Variants in DEDD2 observed in about 807,000 individuals in gnomAD.
DEDD2 encodes death effector domain containing 2, also known as DNA-binding death effector domain-containing protein 2.
A neutral mutation model predicts 28.9 loss-of-function variants in DEDD2; 18 were observed. The ratio of observed to expected loss-of-function variants is 0.62; its 90% CI spans 0.43 to 0.92. The LOEUF (loss-of-function observed/expected upper bound fraction) is 0.92. Ranked by LOEUF, DEDD2 falls within the 40% of genes least tolerant of loss-of-function variation. The pLI is 0.00. For missense variants in DEDD2, 411 were observed against 463.3 expected, an observed-to-expected ratio of 0.89 and a Z score of 1.04; for synonymous variants, 211 against 206.1, an observed-to-expected ratio of 1.02 and a Z score of -0.20.
At position 42,199,126 on chromosome 19, in the gene DEDD2, T is replaced by A. The variant is rs2035219257; in HGVS notation, c.*312A>T. The stretch of plus-strand genomic sequence containing the variant: ...AGACAGCCCAAGATCAGAGATACAA[T>A]GTGCAGGGGGGCCTTTGGTGAGTGT... On this transcript the variant is annotated 3_prime_UTR_variant, in exon 5 of 5. Transcript: ENST00000596251. The surrounding 1 kb of genome is among the most constrained non-coding windows in gnomAD (Gnocchi z 7.4). The A allele has an allele frequency of 2.5e-6, 1 of 393,344 alleles. No homozygotes were observed. The highest frequency in any genetic ancestry group is 4.6e-6 in the Non-Finnish European group (1 of 215,216). 24.4% of individuals were successfully genotyped at this position (393,344 alleles called of 1,614,324 possible). A position where few individuals can be genotyped will look rare whatever the true frequency, so the allele number is the denominator to read the frequency against.
At chr19:42,208,417 G>A (rs1464939649) in intron 4 of DEDD2, among the ~76,000 whole-genome samples, 2 of 152,124 alleles carry the variant, frequency 1.3e-5, no homozygotes, top group African/African-American at 4.8e-5. Flanking sequence ...CTCTTCAAGC[G>A]ATTAATTTAA....
intron 3 of DEDD2, among the ~76,000 whole-genome samples, chr19:42,214,330 C>T (rs969559682): frequency 6.6e-5 from 10 of 152,074 alleles, no homozygotes; most frequent in Admixed American, 6.5e-4. Context: ...TGGTGTCATG[C>T]GCCTGTAGTT....
chr19:42,212,767 G>GT (rs1324446059), intron 3 of DEDD2, among the ~76,000 whole-genome samples: 1 of 151,966 alleles, frequency 6.6e-6, no homozygotes, highest in African/African-American at 2.4e-5. Context: ...ACCCGGCTAG[G>GT]TTTTTTATCT....
chr19:42,216,574 A>G (rs901813191), intron 2 of DEDD2, 106 bp downstream of exon 2: 14 of 1,153,854 alleles, frequency 1.2e-5, no homozygotes, highest in Non-Finnish European at 1.5e-5. Flanking sequence ...AGAATGGGAC[A>G]TAAGCTGCCT....
At chr19:42,208,060 C>T (rs530987913) in intron 4 of DEDD2, among the ~76,000 whole-genome samples, 2 of 152,344 alleles carry the variant, frequency 1.3e-5, no homozygotes, top group Admixed American at 1.3e-4. Flanking sequence ...CCACCTGTCA[C>T]ATCAGCCTGG....
At position 42,199,678 on chromosome 19, in the gene DEDD2, C is replaced by T. The variant is rs771899510; in HGVS notation, c.741G>A (p.Val247=). The T allele has an allele frequency of 6.2e-7, 1 of 1,614,148 alleles. No individual in the cohort carries two copies. Among genetic ancestry groups the T allele is most frequent in the Non-Finnish European group, 8.5e-7 (1 of 1,179,980 alleles). ...AVLRSRDLGS[V]VCDIKFSELS... ...GCTCTGAGAACTTGATGTCACAAAC[C>T]ACAGAGCCCAGGTCCCTTGAGCGCA... is the stretch of plus-strand genomic sequence containing the variant. The change falls in exon 5 of 5, where the codon GTG becomes GTA. Residue 247 remains valine (V), a synonymous_variant. Transcript: ENST00000596251. This position sits in a 1 kb window ranked among gnomAD's most constrained non-coding sequence, Gnocchi z 7.4.
intron 3 of DEDD2, among the ~76,000 whole-genome samples, chr19:42,210,089 C>G (rs1256223914): frequency 6.6e-6 from 1 of 152,110 alleles, no homozygotes; most frequent in Non-Finnish European, 1.5e-5. Context: ...AGAGAAATCC[C>G]TGCACACTTA....
intron 4 of DEDD2, among the ~76,000 whole-genome samples, chr19:42,201,367 G>A (rs2035323457): frequency 6.6e-6 from 1 of 152,222 alleles, no homozygotes. Context: ...CTACTGTGAG[G>A]AGCTGTTAAG....
intron 3 of DEDD2, among the ~76,000 whole-genome samples, chr19:42,212,466 G>C (rs532032570): frequency 2.1e-5 from 3 of 143,372 alleles, no homozygotes; most frequent in Non-Finnish European, 4.6e-5. Context: ...CACCCGGCTC[G>C]TTTTTTTTTT....
chr19:42,217,887 A>G (rs566751646), upstream of DEDD2: 7 of 152,364 alleles, frequency 4.6e-5, no homozygotes, highest in South Asian at 1.0e-3. Flanking sequence ...GAGCGAGAGC[A>G]CGCCGCCTCT....
chr19:42,201,531 C>T (rs948106844), intron 4 of DEDD2, among the ~76,000 whole-genome samples: 19 of 152,226 alleles, frequency 1.2e-4, no homozygotes, highest in African/African-American at 4.6e-4. Flanking sequence ...GGGGCAGAGG[C>T]CACCTTCAGC....
intron 4 of DEDD2, among the ~76,000 whole-genome samples, chr19:42,204,076 C>T (rs2035436147): frequency 6.6e-6 from 1 of 152,198 alleles, no homozygotes; most frequent in South Asian, 2.1e-4. Flanking sequence ...GGGCCCAGCA[C>T]CCTCTTGTCC....
At chr19:42,215,487 T>A (rs1242110429) in intron 2 of DEDD2, among the ~76,000 whole-genome samples, 1 of 152,218 alleles carries the variant, frequency 6.6e-6, no homozygotes, top group Non-Finnish European at 1.5e-5. Context: ...TCAAGGTTAT[T>A]CTGTTGATAG....
chr19:42,216,869 A>G lies in DEDD2; in HGVS notation c.139T>C (p.Phe47Leu). 6.3e-7 allele frequency: 1 copy of G among 1,595,772 alleles called. No individual in the cohort carries two copies. Among genetic ancestry groups the G allele is most frequent in the Non-Finnish European group, 8.5e-7 (1 of 1,171,758 alleles). The stretch of plus-strand genomic sequence containing the variant: ...GCGCCAGGAGCCTCATCCAGCAGAA[A>G]GGCCAGGAGCTCCAGCTCGCACTCG... ...LTECELELLA[F>L]LLDEAPGAAG... Residue 47 changes from phenylalanine (F) to leucine (L), a missense_variant, in exon 2 of 5, where the codon TTT (phenylalanine) becomes CTT (leucine). Physicochemically the swap from Phe to Leu is conservative, Grantham distance 22 (BLOSUM62 0). Around this residue, in one of 2 missense-constraint regions of DEDD2, gnomAD observed 282 missense variants for 273.4 expected, o/e 1.03. Transcript: ENST00000596251.
chr19:42,202,652 G>A (rs1157328578), intron 4 of DEDD2, among the ~76,000 whole-genome samples: 3 of 152,150 alleles, frequency 2.0e-5, no homozygotes, highest in Non-Finnish European at 2.9e-5. Context: ...GTGGGACGGG[G>A]AGACATGTAA....
chr19:42,214,135 C>T (rs2035871950), intron 3 of DEDD2, among the ~76,000 whole-genome samples: 1 of 152,166 alleles, frequency 6.6e-6, no homozygotes, highest in African/African-American at 2.4e-5. Flanking sequence ...AATCTTTCAA[C>T]TTGTATGTTT....
At chr19:42,211,714 T>C (rs2035772543) in intron 3 of DEDD2, among the ~76,000 whole-genome samples, 1 of 152,156 alleles carries the variant, frequency 6.6e-6, no homozygotes, top group Non-Finnish European at 1.5e-5. Context: ...CATCTTAATG[T>C]TATTAAGAGG....
At chr19:42,208,441 T>C (rs1223084070) in intron 4 of DEDD2, among the ~76,000 whole-genome samples, 1 of 152,204 alleles carries the variant, frequency 6.6e-6, no homozygotes, top group Non-Finnish European at 1.5e-5. Context: ...ACGTAACACA[T>C]GCCTAGCAGA....
At chr19:42,213,985 T>C (rs1252771789) in intron 3 of DEDD2, among the ~76,000 whole-genome samples, 1 of 152,302 alleles carries the variant, frequency 6.6e-6, no homozygotes, top group African/African-American at 2.4e-5. Flanking sequence ...GGATGCCTAA[T>C]TTAGGGGTAA....
Sources: gnomAD v4.1 joint callset for allele counts (sites outside exome capture counted in the v4.1 genomes callset) on GRCh38, gnomAD v4.1.1 for gene constraint, gnomAD v4.1.1 regional missense constraint, Gnocchi (gnomAD v3.1) non-coding constraint, MANE v1.5 for transcripts, NCBI Gene and HGNC (gene_info 2026-07-23, HGNC 2026-07-21) for gene names.